Variants in CACNB2 observed in about 807,000 individuals in gnomAD.
CACNB2 encodes the protein voltage-dependent L-type calcium channel subunit beta-2.
Under a neutral mutation model 73.3 loss-of-function variants are expected in CACNB2, and 42 were observed. That is an observed-to-expected ratio of 0.57 (90% CI 0.45 to 0.74). The LOEUF is 0.74. Among genes scored for constraint, CACNB2 ranks in the 30% least tolerant of loss-of-function variants. The probability of loss-of-function intolerance (pLI) is 0.00; values close to 1 mark genes in which losing one functional copy is unlikely to be tolerated. For missense variants in CACNB2, 940 were observed against 853.0 expected (o/e 1.10, Z -1.27); for synonymous variants, 348 against 310.3 (o/e 1.12, Z -1.28).
intron 3 of CACNB2, among the ~76,000 whole-genome samples, chr10:18,412,908 T>A (rs962256388): frequency 1.3e-5 from 2 of 152,188 alleles, no homozygotes; most frequent in African/African-American, 4.8e-5. Context: ...GGTCTGTGCG[T>A]TGTACCCAGG....
chr10:18,315,514 A>AAAAC (rs1554791219), intron 2 of CACNB2, among the ~76,000 whole-genome samples: 8 of 132,312 alleles, frequency 6.0e-5, no homozygotes, highest in Non-Finnish European at 1.1e-4. Context: ...AAAAAAAAAA[A>AAAAC]AAAAAAAAAA....
intron 3 of CACNB2, among the ~76,000 whole-genome samples, chr10:18,478,088 C>T (rs568246521): frequency 3.9e-5 from 6 of 152,186 alleles, no homozygotes; most frequent in East Asian, 1.9e-4. Context: ...GCGGCCACCA[C>T]GCTTGGCTAA....
intron 2 of CACNB2, among the ~76,000 whole-genome samples, chr10:18,242,125 G>GTATA (rs775347796): frequency 6.6e-6 from 1 of 150,650 alleles, no homozygotes; most frequent in Non-Finnish European, 1.5e-5. Context: ...GTGTGTGTGT[G>GTATA]TATATATATA....
chr10:18,341,063 TA>T (rs745933739), intron 2 of CACNB2: 274 of 1,382,454 alleles, frequency 2.0e-4, no homozygotes, highest in Admixed American at 2.5e-4. Flanking sequence ...GAGCTTGAGC[TA>T]AAATCATACT....
chr10:18,348,008 G>A (rs147051847), intron 2 of CACNB2, among the ~76,000 whole-genome samples: 17 of 152,210 alleles, frequency 1.1e-4, no homozygotes, highest in African/African-American at 1.4e-4. Flanking sequence ...TTTAAAAAAC[G>A]TGTATATCCA....
At chr10:18,343,595 A>C (rs1211591347) in intron 2 of CACNB2, among the ~76,000 whole-genome samples, 1 of 152,236 alleles carries the variant, frequency 6.6e-6, no homozygotes, top group Non-Finnish European at 1.5e-5. Context: ...AGAGTTATTC[A>C]GGGAAGGTGT....
rs893135374 is a variant in CACNB2, at chr10:18,302,346, G to A, written c.214-99578G>A. Among the ~76,000 whole-genome samples, 4 of 152,146 alleles carry A rather than the reference G, an allele frequency of 2.6e-5. No individual in the cohort carries two copies. The East Asian group carries it at 5.8e-4, about 22-fold the overall frequency. ...TCTGCAGCATAGCAGCAGCAGAAGC[G>A]ATAGCGCCTGTATTTAAATGTGAAT... On this transcript the variant is annotated intron_variant, in intron 2 of 13. Transcript: ENST00000324631.
At chr10:18,184,480 A>G (rs1014464937) in intron 2 of CACNB2, among the ~76,000 whole-genome samples, 12 of 152,108 alleles carry the variant, frequency 7.9e-5, no homozygotes, top group African/African-American at 2.9e-4. Context: ...GTTATAATTA[A>G]TGAACTAATA....
At chr10:18,147,304 A>G (rs564022732) in intron 1 of CACNB2, among the ~76,000 whole-genome samples, 36 of 152,128 alleles carry the variant, frequency 2.4e-4, no homozygotes, top group Non-Finnish European at 4.0e-4. Context: ...ATTTTTGGAA[A>G]TTTCTTAAGA....
intron 2 of CACNB2, among the ~76,000 whole-genome samples, chr10:18,393,731 G>A (rs776217098): frequency 1.4e-4 from 22 of 152,118 alleles, no homozygotes; most frequent in Non-Finnish European, 2.4e-4. Flanking sequence ...AACTTAAATA[G>A]CCGGTGTCTT....
chr10:18,476,486 C>T (rs1003791064), intron 3 of CACNB2, among the ~76,000 whole-genome samples: 6 of 152,150 alleles, frequency 3.9e-5, no homozygotes, highest in African/African-American at 1.4e-4. Flanking sequence ...GCTTGGTATA[C>T]ACGCTATGTA....
intron 3 of CACNB2, among the ~76,000 whole-genome samples, chr10:18,404,258 A>G (rs1297825313): frequency 6.6e-6 from 1 of 152,224 alleles, no homozygotes; most frequent in Non-Finnish European, 1.5e-5. Context: ...AAAGATGAGC[A>G]TTGAATTTTC....
chr10:18,150,881 A>AATTTT lies in CACNB2; in HGVS notation c.121-2_121-1insATTTT. The stretch of plus-strand genomic sequence containing the variant: ...TTTTTTTTTTTTTTTTTTTTTTTTT[A>AATTTT]GTCATATGGAAAAGGAGCCAGAAGG... On this transcript the variant is annotated splice_acceptor_variant, in intron 1 of 13. Transcript: ENST00000324631. LOFTEE classifies it high-confidence loss of function. The AATTTT allele has an allele frequency of 3.4e-6, 1 of 296,594 alleles. No individual in the cohort carries two copies. 18.4% of individuals were successfully genotyped at this position (296,594 alleles called of 1,614,324 possible).
In CACNB2 at chr10:18,535,776, A is replaced by T. The variant is rs999233478; in HGVS notation, c.1207-325A>T. Among the ~76,000 whole-genome samples, 11 of 149,024 alleles carry T rather than the reference A, an allele frequency of 7.4e-5. No individual in the cohort carries two copies. In the South Asian group the frequency reaches 1.9e-3, roughly 26 times the overall value. On this transcript the variant is annotated intron_variant, in intron 11 of 13. Transcript: ENST00000324631. ...CAACAGAGCGAGACTACATCTCAAA[A>T]ATATATATATATATATTTTAACATG...
At chr10:18,241,247 G>A (rs2036638371) in intron 2 of CACNB2, among the ~76,000 whole-genome samples, 1 of 152,090 alleles carries the variant, frequency 6.6e-6, no homozygotes. Context: ...GCTGTGTCAT[G>A]GGCACACATC....
chr10:18,478,462 C>A (rs968047174), intron 3 of CACNB2, among the ~76,000 whole-genome samples: 1 of 152,142 alleles, frequency 6.6e-6, no homozygotes, highest in Non-Finnish European at 1.5e-5. Context: ...GTGGTGTCAC[C>A]ACTTGATGTT....
chr10:18,396,924 C>A (rs527743407), intron 2 of CACNB2, among the ~76,000 whole-genome samples: 90 of 152,220 alleles, frequency 5.9e-4, no homozygotes, highest in African/African-American at 2.1e-3. Context: ...CCTTTGGATT[C>A]ATAAAAAGTT....
At chr10:18,292,036 A>G (rs1184188631) in intron 2 of CACNB2, among the ~76,000 whole-genome samples, 1 of 152,224 alleles carries the variant, frequency 6.6e-6, no homozygotes, top group Non-Finnish European at 1.5e-5. Flanking sequence ...TCACCTTTGC[A>G]TACACACACA....
chr10:18,352,840 T>C (rs1003933552), intron 2 of CACNB2, among the ~76,000 whole-genome samples: 17 of 152,232 alleles, frequency 1.1e-4, no homozygotes, highest in Non-Finnish European at 2.2e-4. Context: ...AAGGAACATA[T>C]ATGTTTGTAT....
Sources: allele counts gnomAD v4.1 joint callset (sites outside exome capture counted in the v4.1 genomes callset), GRCh38; gene constraint gnomAD v4.1.1; transcripts MANE v1.5; gene names NCBI Gene and HGNC (gene_info 2026-07-23, HGNC 2026-07-21).